The following LRRC4C variants were observed in gnomAD, a reference collection of about 807,000 sequenced individuals.
LRRC4C encodes leucine rich repeat containing 4C, also known as leucine-rich repeat-containing protein 4C.
A neutral mutation model predicts 33.6 loss-of-function variants in LRRC4C; 5 were observed. That is an observed-to-expected ratio of 0.15 (90% CI 0.08 to 0.31). The LOEUF (loss-of-function observed/expected upper bound fraction) is 0.31, where lower values mean the gene tolerates loss of function less well. LRRC4C is among the 10% of genes least tolerant of loss of function. The pLI is 1.00. For missense variants in LRRC4C, 560 were observed against 796.7 expected, an observed-to-expected ratio of 0.70 and a Z score of 3.58; for synonymous variants, 329 against 302.0, an observed-to-expected ratio of 1.09 and a Z score of -0.93.
intron 5 of LRRC4C, among the ~76,000 whole-genome samples, chr11:40,147,105 C>T (rs1378325709): frequency 6.6e-6 from 1 of 152,162 alleles, no homozygotes; most frequent in Non-Finnish European, 1.5e-5. Context: ...GCTGCTGCCT[C>T]ATGTTGCAAG....
intron 3 of LRRC4C, among the ~76,000 whole-genome samples, chr11:40,469,017 G>A: frequency 6.6e-6 from 1 of 152,212 alleles, no homozygotes; most frequent in South Asian, 2.1e-4. Context: ...TAGGCACTCA[G>A]CCCCACAAAG....
intron 3 of LRRC4C, among the ~76,000 whole-genome samples, chr11:40,450,904 T>A (rs948779149): frequency 1.3e-5 from 2 of 151,848 alleles, no homozygotes; most frequent in African/African-American, 4.8e-5. Context: ...AATACACTTC[T>A]ACGGAACTAA....
intron 1 of LRRC4C, among the ~76,000 whole-genome samples, chr11:40,942,052 G>A (rs746944794): frequency 3.3e-5 from 5 of 152,166 alleles, no homozygotes; most frequent in Admixed American, 6.6e-5. Context: ...AGACTACGGT[G>A]AATGTCTGAC....
At chr11:40,544,017 G>GCCCTGTAGCCTGCTATAT (rs1457587831) in intron 3 of LRRC4C, among the ~76,000 whole-genome samples, 11 of 152,038 alleles carry the variant, frequency 7.2e-5, no homozygotes, top group African/African-American at 2.7e-4. Context: ...GATAGAGAAA[G>GCCCTGTAGCCTGCTATAT]AAAAGCCCCT....
chr11:40,936,139 A>G (rs563591940), intron 1 of LRRC4C, among the ~76,000 whole-genome samples: 234 of 143,836 alleles, frequency 1.6e-3, no homozygotes, highest in African/African-American at 5.8e-3. Flanking sequence ...AATGATTTCC[A>G]GATATTATAA....
Position 40,467,474 on chromosome 11 carries a change from T to C in LRRC4C, c.-269-147753A>G, listed in dbSNP as rs1401738755. On this transcript the variant is annotated intron_variant, in intron 3 of 6. Transcript: ENST00000528697. ...GTCATAGCATAACTATGCAAATATA[T>C]GTGACAGGAGGGAAAGAAGAGGGAA... Among the ~76,000 whole-genome samples the C allele has an allele frequency of 2.6e-5, 4 of 152,122 alleles. 1 individual carries two copies. The East Asian group carries it at 5.8e-4, about 22-fold the overall frequency.
intron 1 of LRRC4C, among the ~76,000 whole-genome samples, chr11:41,339,391 A>G (rs929342655): frequency 1.3e-5 from 2 of 152,174 alleles, no homozygotes; most frequent in Non-Finnish European, 2.9e-5. Flanking sequence ...ATATCCCTGA[A>G]GACATAACTT....
chr11:40,658,325 T>C (rs1943240532), intron 2 of LRRC4C, among the ~76,000 whole-genome samples: 1 of 152,220 alleles, frequency 6.6e-6, no homozygotes, highest in African/African-American at 2.4e-5. Context: ...GATGCTTAAA[T>C]ACTAAGGCTC....
chr11:40,178,275 A>T (rs1239300231), intron 5 of LRRC4C, among the ~76,000 whole-genome samples: 2 of 152,186 alleles, frequency 1.3e-5, no homozygotes, highest in Non-Finnish European at 2.9e-5. Context: ...GGTCATGGCA[A>T]TTCTGCCTAC....
At chr11:41,007,010 G>A (rs753972717) in intron 1 of LRRC4C, among the ~76,000 whole-genome samples, 14 of 152,098 alleles carry the variant, frequency 9.2e-5, no homozygotes, top group Non-Finnish European at 1.9e-4. Context: ...TAGAATGAGA[G>A]CTGAATATAT....
chr11:40,383,303 G>A (rs1202274837), intron 3 of LRRC4C, among the ~76,000 whole-genome samples: 1 of 152,126 alleles, frequency 6.6e-6, no homozygotes, highest in African/African-American at 2.4e-5. Flanking sequence ...CTATTGTGAT[G>A]ATGCTGCAAT....
chr11:41,094,485 C>G (rs1940675540), intron 1 of LRRC4C, among the ~76,000 whole-genome samples: 1 of 152,108 alleles, frequency 6.6e-6, no homozygotes, highest in Non-Finnish European at 1.5e-5. Context: ...GATTGCACCA[C>G]TGCACTCCAG....
At chr11:40,788,429 T>C (rs1024823345) in intron 2 of LRRC4C, among the ~76,000 whole-genome samples, 1 of 152,182 alleles carries the variant, frequency 6.6e-6, no homozygotes, top group Non-Finnish European at 1.5e-5. Context: ...CCTCACCCTT[T>C]GCTGTAAATG....
intron 1 of LRRC4C, among the ~76,000 whole-genome samples, chr11:41,440,296 G>T (rs1955573448): frequency 1.3e-5 from 2 of 152,038 alleles, no homozygotes; most frequent in African/African-American, 4.8e-5. Context: ...GAGAGAATAG[G>T]TTAGAAGAAA....
rs557960228 is a variant in LRRC4C, at chr11:40,684,096, C to A, written c.-406-35818G>T. Among the ~76,000 whole-genome samples, 6 of 151,908 alleles carry A rather than the reference C, an allele frequency of 3.9e-5. 1 individual carries two copies. In the East Asian group the frequency reaches 1.2e-3, roughly 29 times the overall value. ...CAAAATACTTACACAATATTTCCAC[C>A]TTGAATGAAAATTTAGCAGATGTAG... On this transcript the variant is annotated intron_variant, in intron 2 of 6. Transcript: ENST00000528697.
At chr11:40,169,603 A>G (rs1191605132) in intron 5 of LRRC4C, among the ~76,000 whole-genome samples, 1 of 152,154 alleles carries the variant, frequency 6.6e-6, no homozygotes, top group Non-Finnish European at 1.5e-5. Context: ...ATTTCATAAC[A>G]CCTGCTCAAA....
intron 1 of LRRC4C, among the ~76,000 whole-genome samples, chr11:41,007,806 C>T (rs1409150134): frequency 2.0e-5 from 3 of 152,106 alleles, no homozygotes; most frequent in African/African-American, 7.2e-5. Context: ...GTCATAATCT[C>T]TTCCTGAACT....
At chr11:40,686,926 A>G (rs899363762) in intron 2 of LRRC4C, among the ~76,000 whole-genome samples, 1 of 152,194 alleles carries the variant, frequency 6.6e-6, no homozygotes, top group Non-Finnish European at 1.5e-5. Flanking sequence ...GACCAGTGGC[A>G]ATCATATTAC....
intron 1 of LRRC4C, among the ~76,000 whole-genome samples, chr11:41,312,868 T>A (rs2137195601): frequency 6.6e-6 from 1 of 152,276 alleles, no homozygotes; most frequent in Non-Finnish European, 1.5e-5. Flanking sequence ...AGGTTTGAGT[T>A]TTGGTTTTGT....
Sources: allele counts gnomAD v4.1 joint callset (sites outside exome capture counted in the v4.1 genomes callset), GRCh38; gene constraint gnomAD v4.1.1; transcripts MANE v1.5; gene names NCBI Gene and HGNC (gene_info 2026-07-23, HGNC 2026-07-21).